MTRF1: variants seen among roughly 807,000 people sequenced by gnomAD.
MTRF1 encodes the protein peptide chain release factor 1, mitochondrial.
Under a neutral mutation model 62.9 loss-of-function variants are expected in MTRF1, and 51 were observed. The ratio of observed to expected loss-of-function variants is 0.81; its 90% CI spans 0.65 to 1.02. The LOEUF (loss-of-function observed/expected upper bound fraction) is 1.02. MTRF1 is among the 50% of genes least tolerant of loss of function. The probability of loss-of-function intolerance (pLI) is 0.00; values close to 1 mark genes in which losing one functional copy is unlikely to be tolerated. For synonymous variants in MTRF1, 158 were observed against 181.9 expected (o/e 0.87, Z 1.06); for missense variants, 446 against 530.0 (o/e 0.84, Z 1.56).
At chr13:41,223,204 C>G in intron 9 of MTRF1, 52 bp downstream of exon 9, 1 of 1,266,730 alleles carries the variant, frequency 7.9e-7, no homozygotes, top group South Asian at 1.3e-5. Flanking sequence ...TAGAATTTGA[C>G]TATATTTTCT....
At chr13:41,311,784 C>T in the MTRF1 span, among the ~76,000 whole-genome samples, 168 of 152,348 alleles carry the variant, frequency 1.1e-3, 1 homozygote, top group African/African-American at 3.7e-3. Flanking sequence ...CGTGCGCTTC[C>T]TTTCCGCGGT....
intron 2 of MTRF1, 149 bp from the exon 3 acceptor site, chr13:41,254,769 T>C (rs758153574): frequency 1.6e-5 from 9 of 552,902 alleles, no homozygotes; most frequent in Non-Finnish European, 2.8e-5. Flanking sequence ...ATTTGGAGAA[T>C]GTCAATTAAC....
chr13:41,290,409 T>C, the MTRF1 span, among the ~76,000 whole-genome samples: 2 of 137,116 alleles, frequency 1.5e-5, no homozygotes, highest in Non-Finnish European at 3.1e-5. Flanking sequence ...TTTTTTTTTT[T>C]CTGATACGGA....
intron 2 of MTRF1, among the ~76,000 whole-genome samples, chr13:41,258,937 A>G (rs2139176584): frequency 6.6e-6 from 1 of 152,348 alleles, no homozygotes; most frequent in East Asian, 1.9e-4. Flanking sequence ...AAAGACAATT[A>G]AATTTAAAAA....
chr13:41,220,988 C>T lies in MTRF1; in HGVS notation c.1224+2268G>A, dbSNP rs533553407. Among the ~76,000 whole-genome samples, 45 of 152,178 alleles carry T rather than the reference C, an allele frequency of 3.0e-4. No individual in the cohort carries two copies. In the South Asian group the frequency reaches 9.1e-3, roughly 31 times the overall value. On this transcript the variant is annotated intron_variant, in intron 9 of 9. Transcript: ENST00000379480. ...TCTGTCAGAAACTGTGGATGTGGTACGAAGGGCAAGTTCTAGAATAAGGGA... is the reference window on the plus strand; with the variant it reads ...TCTGTCAGAAACTGTGGATGTGGTATGAAGGGCAAGTTCTAGAATAAGGGA...
chr13:41,231,513 G>A (rs2035550676), intron 7 of MTRF1, among the ~76,000 whole-genome samples: 1 of 152,186 alleles, frequency 6.6e-6, no homozygotes, highest in Non-Finnish European at 1.5e-5. Flanking sequence ...GTGAGACCTT[G>A]ACTTTACTCT....
At chr13:41,264,986 A>G (rs145317426), upstream of MTRF1, among the ~76,000 whole-genome samples, 492 of 152,372 alleles carry the variant, frequency 3.2e-3, 2 homozygotes, top group African/African-American at 0.011. Context: ...CATGGAGCTT[A>G]TGTTCCAGTA....
the MTRF1 span, among the ~76,000 whole-genome samples, chr13:41,289,395 G>A: frequency 6.6e-6 from 1 of 152,002 alleles, no homozygotes; most frequent in Admixed American, 6.6e-5. Flanking sequence ...GTGCCACAAT[G>A]CCTGGCTAAT....
At chr13:41,269,199 G>GTTTTTTTTTTTTTT in the MTRF1 span, among the ~76,000 whole-genome samples, 1 of 68,702 alleles carries the variant, frequency 1.5e-5, no homozygotes, top group Non-Finnish European at 2.9e-5. Flanking sequence ...TTTTTTTTTG[G>GTTTTTTTTTTTTTT]TTTTTTTTTT....
chr13:41,297,955 T>C, the MTRF1 span, among the ~76,000 whole-genome samples: 2 of 152,252 alleles, frequency 1.3e-5, no homozygotes, highest in Non-Finnish European at 2.9e-5. Context: ...TATAAATTAA[T>C]AGAATCGGAT....
At chr13:41,290,175 C>T in the MTRF1 span, among the ~76,000 whole-genome samples, 1 of 143,064 alleles carries the variant, frequency 7.0e-6, no homozygotes, top group Admixed American at 7.5e-5. Context: ...CGGCTCACTG[C>T]AACCTCCGCC....
At chr13:41,281,919 G>A in the MTRF1 span, among the ~76,000 whole-genome samples, 2 of 152,036 alleles carry the variant, frequency 1.3e-5, no homozygotes, top group African/African-American at 4.8e-5. Context: ...GGCAGATCAC[G>A]AGGTCAGGAG....
the MTRF1 span, among the ~76,000 whole-genome samples, chr13:41,279,000 T>G: frequency 2.0e-5 from 3 of 152,200 alleles, no homozygotes; most frequent in Non-Finnish European, 2.9e-5. Flanking sequence ...ATTTTTTATT[T>G]TTTTTGAGAT....
At chr13:41,240,176 AG>A in intron 6 of MTRF1, 84 bp downstream of exon 6, 3 of 1,355,352 alleles carry the variant, frequency 2.2e-6, no homozygotes, top group Non-Finnish European at 3.0e-6. Context: ...AAAAAAAAAA[AG>A]GACAGATTTT....
chr13:41,291,946 T>C, the MTRF1 span, among the ~76,000 whole-genome samples: 2 of 152,108 alleles, frequency 1.3e-5, no homozygotes, highest in Non-Finnish European at 2.9e-5. Context: ...AAGAACTATA[T>C]AAGTGTTTAT....
chr13:41,297,886 C>T, the MTRF1 span, among the ~76,000 whole-genome samples: 1 of 152,110 alleles, frequency 6.6e-6, no homozygotes, highest in South Asian at 2.1e-4. Flanking sequence ...TTTAATTCCT[C>T]TTAAAACTGT....
chr13:41,237,832 G>C (rs1167714259), intron 6 of MTRF1, among the ~76,000 whole-genome samples: 1 of 152,112 alleles, frequency 6.6e-6, no homozygotes, highest in Non-Finnish European at 1.5e-5. Flanking sequence ...TATATTCTAA[G>C]GGGAAAAATC....
chr13:41,284,152 GGC>G, the MTRF1 span, among the ~76,000 whole-genome samples: 1 of 151,390 alleles, frequency 6.6e-6, no homozygotes, highest in Admixed American at 6.6e-5. Context: ...GACCAGCCTG[GGC>G]AACATGGGGA....
intron 2 of MTRF1, among the ~76,000 whole-genome samples, chr13:41,256,738 C>T (rs547545183): frequency 4.6e-5 from 7 of 152,184 alleles, no homozygotes; most frequent in Non-Finnish European, 8.8e-5. Flanking sequence ...TCAGAAAAAC[C>T]TTCTGATTTG....
Sources: allele counts gnomAD v4.1 joint callset (sites outside exome capture counted in the v4.1 genomes callset), GRCh38; gene constraint gnomAD v4.1.1; transcripts MANE v1.5; gene names NCBI Gene and HGNC (gene_info 2026-07-23, HGNC 2026-07-21).